Variants in CA4 observed in about 807,000 individuals in gnomAD.
The protein encoded by CA4 is CA-IV.
In CA4, 24 loss-of-function variants were observed where a neutral mutation model predicts 34.5. The observed-to-expected ratio is 0.70, with a 90% CI of 0.50 to 0.98. The LOEUF is 0.98. Ranked by LOEUF, CA4 falls within the 50% of genes least tolerant of loss-of-function variation. The probability of loss-of-function intolerance (pLI) is 0.00; values close to 1 mark genes in which losing one functional copy is unlikely to be tolerated. For synonymous variants in CA4, 178 were observed against 170.6 expected (o/e 1.04, Z -0.34); for missense variants, 394 against 396.7 (o/e 0.99, Z 0.06).
rs145762394 is a variant in CA4, at chr17:60,168,762, C to A, written c.*179-1789C>A. On this transcript the variant is annotated intron_variant and NMD_transcript_variant, in intron 5 of 5. Coordinates refer to the CA4 transcript ENST00000586876. ...ATCGGGTGGTCCCTCTCAGAGGACA[C>A]CACGTGGCAGCTGAAAGGACTAGTT... Among the ~76,000 whole-genome samples, 1,487 of 152,082 alleles carry A rather than the reference C, an allele frequency of 9.8e-3. 15 individuals carry two copies. Among genetic ancestry groups the A allele is most frequent in the Non-Finnish European group, 0.015 (1,040 of 67,966 alleles).
downstream of CA4, among the ~76,000 whole-genome samples, chr17:60,171,130 T>C (rs560006212): frequency 1.9e-4 from 29 of 152,338 alleles, no homozygotes; most frequent in African/African-American, 7.0e-4. Context: ...GTCCAGTAAA[T>C]GTCTAAGCCC....
chr17:60,159,535 T>A lies in CA4; in HGVS notation c.*111T>A. 1 of 1,224,882 alleles carries A rather than the reference T, an allele frequency of 8.2e-7. No individual in the cohort carries two copies. The highest frequency in any genetic ancestry group is 1.3e-5 in the South Asian group (1 of 77,832). 75.9% of individuals were successfully genotyped at this position (1,224,882 alleles called of 1,614,324 possible). A position where few individuals can be genotyped will look rare whatever the true frequency, so the allele number is the denominator to read the frequency against. On this transcript the variant is annotated 3_prime_UTR_variant, in exon 8 of 8. Transcript: ENST00000300900. ...TAGGCATGATTAAAATATGGACATA[T>A]TTTTGGAGAAACCTTTCTCAAGTGT...
At chr17:60,154,342 G>T (rs1391956708) in intron 1 of CA4, among the ~76,000 whole-genome samples, 2 of 152,074 alleles carry the variant, frequency 1.3e-5, no homozygotes, top group Admixed American at 1.3e-4. Context: ...GGCCCTATGA[G>T]GTGGGTATGT....
chr17:60,150,427 C>G (rs1423762230), intron 1 of CA4, among the ~76,000 whole-genome samples: 1 of 151,998 alleles, frequency 6.6e-6, no homozygotes, highest in Non-Finnish European at 1.5e-5. Flanking sequence ...AATGCCAGCA[C>G]GTTGGGAGGC....
chr17:60,171,420 C>T (rs1373859903), downstream of CA4, among the ~76,000 whole-genome samples: 2 of 152,214 alleles, frequency 1.3e-5, no homozygotes, highest in Non-Finnish European at 2.9e-5. Context: ...GCTGACTGCT[C>T]CGGGCACTCC....
Position 60,157,730 on chromosome 17 carries a change from A to C in CA4, c.455A>C (p.Asn152Thr), listed in dbSNP as rs763504965. The change falls in exon 5 of 8, where the codon AAT (asparagine) becomes ACT (threonine). Residue 152 changes from asparagine (N) to threonine (T), a missense_variant. Transcript: ENST00000300900. The stretch of plus-strand genomic sequence containing the variant: ...GAGAAAGAGAAGGGGACATCGAGGA[A>C]TGTGAAAGAGGCCCAGGACCCTGAA... ...VHEKEKGTSRNVKEAQDPEDE... is the reference protein window; with the variant it reads ...VHEKEKGTSRTVKEAQDPEDE... The C allele has an allele frequency of 6.2e-7, 1 of 1,614,026 alleles. No individual in the cohort carries two copies. Among genetic ancestry groups the C allele is most frequent in the Non-Finnish European group, 8.5e-7 (1 of 1,179,884 alleles).
At chr17:60,157,243 G>A (rs2083703910) in intron 3 of CA4, among the ~76,000 whole-genome samples, 184 bp from the exon 4 acceptor site, 1 of 152,250 alleles carries the variant, frequency 6.6e-6, no homozygotes, top group Admixed American at 6.5e-5. Flanking sequence ...CCAAGGAGGA[G>A]GCCAGGGAAA....
intron 7 of CA4, 61 bp from the exon 8 acceptor site, chr17:60,159,169 T>C: frequency 6.9e-7 from 1 of 1,453,376 alleles, no homozygotes; most frequent in Non-Finnish European, 9.5e-7. Flanking sequence ...CTGCCTGAGG[T>C]CACACGGCAG....
chr17:60,159,985 CA>C (rs752897317), downstream of CA4, among the ~76,000 whole-genome samples: 3 of 152,140 alleles, frequency 2.0e-5, no homozygotes, highest in African/African-American at 7.2e-5. Context: ...ATAAAAAATA[CA>C]AAAATTAACC....
downstream of CA4, among the ~76,000 whole-genome samples, chr17:60,175,203 T>C (rs562992930): frequency 2.3e-3 from 348 of 149,830 alleles, 7 homozygotes; most frequent in African/African-American, 7.3e-3. Context: ...TTTTTTTTTT[T>C]TTTTTTAGTA....
downstream of CA4, among the ~76,000 whole-genome samples, chr17:60,162,566 C>G (rs2083804613): frequency 6.6e-6 from 1 of 151,824 alleles, no homozygotes; most frequent in African/African-American, 2.4e-5. Context: ...CACACACACA[C>G]ACACACACAC....
chr17:60,176,033 C>T, the CA4 span, among the ~76,000 whole-genome samples: 4 of 152,042 alleles, frequency 2.6e-5, no homozygotes, highest in Admixed American at 6.6e-5. Flanking sequence ...TCAGGCTGGT[C>T]TTGAACTCTC....
downstream of CA4, among the ~76,000 whole-genome samples, chr17:60,163,163 C>T (rs1013635726): frequency 3.1e-5 from 4 of 127,490 alleles, no homozygotes; most frequent in African/African-American, 8.8e-5. Flanking sequence ...GAAGGTGGGG[C>T]GGAGGAGGGT....
exon 6 of CA4, chr17:60,170,665 G>A (rs1598009194): frequency 6.6e-6 from 1 of 152,308 alleles, no homozygotes; most frequent in East Asian, 1.9e-4. Flanking sequence ...AGGAGGAGGA[G>A]CTGCTTTGGG....
downstream of CA4, among the ~76,000 whole-genome samples, chr17:60,162,940 A>C (rs1598002228): frequency 6.6e-6 from 1 of 151,942 alleles, no homozygotes; most frequent in South Asian, 2.1e-4. Context: ...ACCCCGTCCC[A>C]CCCATCTCCG....
chr17:60,165,201 T>A (rs1312626216), intron 5 of CA4, among the ~76,000 whole-genome samples: 1 of 152,198 alleles, frequency 6.6e-6, no homozygotes, highest in East Asian at 1.9e-4. Flanking sequence ...TGATCTGTGG[T>A]TGGTGGCAGT....
rs751638856 is a variant in CA4, at chr17:60,159,396, C to T, written c.911C>T (p.Ala304Val). ...CCTGCCCTGCTGGGCCCCATGCTGG[C>T]CTGCCTGCTGGCCGGCTTCCTGCGA... is the stretch of plus-strand genomic sequence containing the variant. ...ALPALLGPML[A>V]CLLAGFLR The change falls in exon 8 of 8, where the codon GCC becomes GTC. Residue 304 changes from alanine to valine, a missense_variant. Ala to Val is a moderately conservative substitution (Grantham distance 64). Transcript: ENST00000300900. The T allele has an allele frequency of 1.9e-6, 3 of 1,612,386 alleles. No individual in the cohort carries two copies. The South Asian group carries it at 3.3e-5, about 18-fold the overall frequency.
intron 3 of CA4, chr17:60,156,943 A>G (rs1049411244): frequency 4.9e-6 from 3 of 607,158 alleles, no homozygotes; most frequent in South Asian, 1.9e-5. Context: ...CGTTCCAGGA[A>G]GAAGGACATG....
At chr17:60,152,705 C>A (rs1342459303) in intron 1 of CA4, among the ~76,000 whole-genome samples, 1 of 152,196 alleles carries the variant, frequency 6.6e-6, no homozygotes, top group East Asian at 1.9e-4. Flanking sequence ...CTTCCTCCTT[C>A]AAGACCTCTG....
Sources: gnomAD v4.1 joint callset for allele counts (sites outside exome capture counted in the v4.1 genomes callset) on GRCh38, gnomAD v4.1.1 for gene constraint, MANE v1.5 for transcripts, NCBI Gene and HGNC (gene_info 2026-07-23, HGNC 2026-07-21) for gene names.